The following HEBP1 variants were observed in gnomAD, a reference collection of about 807,000 sequenced individuals.
HEBP1 encodes the protein heme binding protein 1.
HEBP1 carries 13 observed loss-of-function variants against 20.4 expected under a neutral mutation model. The observed-to-expected ratio is 0.64, with a 90% confidence interval of 0.42 to 1.01. The LOEUF (loss-of-function observed/expected upper bound fraction) is 1.01, where lower values mean the gene tolerates loss of function less well. Among genes scored for constraint, HEBP1 ranks in the 50% least tolerant of loss-of-function variants. HEBP1 has a pLI of 0.00. For synonymous variants in HEBP1, 92 were observed against 90.7 expected, an observed-to-expected ratio of 1.01 and a Z score of -0.08; for missense variants, 241 against 247.3, an observed-to-expected ratio of 0.97 and a Z score of 0.17.
At chr12:12,995,794 G>A (rs1864281671) in intron 1 of HEBP1, among the ~76,000 whole-genome samples, 1 of 152,160 alleles carries the variant, frequency 6.6e-6, no homozygotes. Context: ...TTGTGACATG[G>A]AACACAATAG....
chr12:12,999,050 G>A (rs1684385), intron 1 of HEBP1, among the ~76,000 whole-genome samples: 112,204 of 151,686 alleles, frequency 0.74, 42,518 homozygotes, highest in South Asian at 0.85. Context: ...ACTCCACTGA[G>A]GTCCCCATCA....
rs1381987380 is a variant in HEBP1 at position 12,998,082 on chromosome 12, T to C, written c.78+1955A>G. ...TTTGTGTCCAGCCTATGCACAACTATGTCAGTTTCCCTACTCAAAATCACA... is the reference window on the plus strand; with the variant it reads ...TTTGTGTCCAGCCTATGCACAACTACGTCAGTTTCCCTACTCAAAATCACA... On this transcript the variant is annotated intron_variant, in intron 1 of 3. Coordinates refer to ENST00000014930, the MANE Select transcript of HEBP1 (RefSeq NM_015987.5). The surrounding 1 kb of genome is among the most constrained non-coding windows in gnomAD (Gnocchi z 4.2). 6.6e-6 allele frequency among the ~76,000 whole-genome samples: 1 copy of C among 152,102 alleles called. No homozygotes were observed. The highest frequency in any genetic ancestry group is 2.4e-5 in the African/African-American group (1 of 41,410).
intron 3 of HEBP1, among the ~76,000 whole-genome samples, chr12:12,977,062 C>A (rs1296307713): frequency 6.6e-6 from 1 of 152,220 alleles, no homozygotes; most frequent in Non-Finnish European, 1.5e-5. Context: ...TCTTTAAATA[C>A]TGATTTTGGA....
chr12:12,978,047 C>T (rs1864018206), intron 3 of HEBP1, among the ~76,000 whole-genome samples: 1 of 152,114 alleles, frequency 6.6e-6, no homozygotes, highest in Non-Finnish European at 1.5e-5. Context: ...ACATAAGTTT[C>T]ACTCACTCAT....
chr12:12,981,614 A>C (rs535861371), intron 3 of HEBP1, among the ~76,000 whole-genome samples: 2 of 152,360 alleles, frequency 1.3e-5, no homozygotes, highest in African/African-American at 4.8e-5. Flanking sequence ...GTCACATGGC[A>C]TAAGTGTCAC....
At position 12,987,279 on chromosome 12, in the gene HEBP1, C is replaced by A; in HGVS notation, c.271G>T (p.Asp91Tyr). The change falls in exon 3 of 4, where the codon GAT (aspartate) becomes TAT (tyrosine). Residue 91 changes from aspartate to tyrosine, a missense_variant. Coordinates refer to ENST00000014930, the MANE Select transcript of HEBP1 (RefSeq NM_015987.5). ...TTTAATTTCTTCTGCAGAGAGCCATCTTCATTGGGGAACACAGCAAAGGAA... is the reference window on the plus strand; with the variant it reads ...TTTAATTTCTTCTGCAGAGAGCCATATTCATTGGGGAACACAGCAAAGGAA... The part of the protein sequence containing the change: ...PISFAVFPNE[D>Y]GSLQKKLKVW... 3 of 1,614,102 alleles carry A rather than the reference C, an allele frequency of 1.9e-6. No homozygotes were observed. Among genetic ancestry groups the A allele is most frequent in the Non-Finnish European group, 2.5e-6 (3 of 1,180,004 alleles).
In HEBP1 at chr12:13,000,180, G is replaced by T; in HGVS notation, c.-66C>A. On this transcript the variant is annotated 5_prime_UTR_variant, in exon 1 of 4. Coordinates refer to ENST00000014930, the MANE Select transcript of HEBP1 (RefSeq NM_015987.5). Reference sequence around the variant, plus strand: ...GTGGCGGGGGCGACGGAGCACCACGGGCAGCGACCACCGGCGGCAGGGCGG... The same window carrying T: ...GTGGCGGGGGCGACGGAGCACCACGTGCAGCGACCACCGGCGGCAGGGCGG... The T allele has an allele frequency of 9.5e-7, 1 of 1,047,638 alleles. No individual in the cohort carries two copies. The highest frequency in any genetic ancestry group is 1.4e-6 in the Non-Finnish European group (1 of 719,252). The allele number at this position is 1,047,638 out of a possible 1,614,324, so 64.9% of individuals were successfully genotyped here. A position where few individuals can be genotyped will look rare whatever the true frequency, so the allele number is the denominator to read the frequency against.
At chr12:12,983,003 G>C (rs763732880) in intron 3 of HEBP1, among the ~76,000 whole-genome samples, 2 of 152,220 alleles carry the variant, frequency 1.3e-5, no homozygotes, top group African/African-American at 2.4e-5. Flanking sequence ...CTGAGGTACA[G>C]TGAGGCTGGC....
At chr12:12,975,933 C>T (rs933251295) in intron 3 of HEBP1, among the ~76,000 whole-genome samples, 10 of 152,076 alleles carry the variant, frequency 6.6e-5, no homozygotes, top group African/African-American at 1.9e-4. Context: ...CAGGGGACTT[C>T]GGGCAGAGCT....
At chr12:12,983,739 T>C (rs1313151886) in intron 3 of HEBP1, 2 of 456,028 alleles carry the variant, frequency 4.4e-6, no homozygotes, top group South Asian at 3.1e-5. Flanking sequence ...CTTTCAGCTG[T>C]TTAGATTTCA....
At chr12:12,976,220 C>T (rs1863986173) in intron 3 of HEBP1, among the ~76,000 whole-genome samples, 1 of 152,188 alleles carries the variant, frequency 6.6e-6, no homozygotes, top group African/African-American at 2.4e-5. Context: ...GAAATCACTT[C>T]TCATAAATCC....
chr12:12,984,877 C>T (rs850926), intron 3 of HEBP1, among the ~76,000 whole-genome samples: 68,405 of 152,018 alleles, frequency 0.45, 17,625 homozygotes, highest in Non-Finnish European at 0.59. Flanking sequence ...GATGGCCAGG[C>T]GTGGTGGCTC....
In HEBP1 at chr12:12,979,008, G is replaced by C. The variant is rs569061163; in HGVS notation, c.399-3529C>G. On this transcript the variant is annotated intron_variant, in intron 3 of 3. Coordinates refer to ENST00000014930, the MANE Select transcript of HEBP1 (RefSeq NM_015987.5). ...AGAAGGATCTAGTGACAGAAACTTG[G>C]GAGTGCCCAGTGGGTAGGTACTGGC... The C allele has an allele frequency of 6.6e-5, 10 of 152,338 alleles. No homozygotes were observed. In the East Asian group the frequency reaches 1.9e-3, roughly 29 times the overall value. The allele number at this position is 152,338 out of a possible 1,614,324, so 9.4% of individuals were successfully genotyped here.
rs1322529935 is a variant in HEBP1, at chr12:12,986,325, G to C, written c.398+827C>G. ...ACCATCAGGTTCAGGGTTGCAGCAGGGCAGCCAAGTTTGGAGGTCCCTGAA... is the reference window on the plus strand; with the variant it reads ...ACCATCAGGTTCAGGGTTGCAGCAGCGCAGCCAAGTTTGGAGGTCCCTGAA... On this transcript the variant is annotated intron_variant, in intron 3 of 3. Transcript: ENST00000014930. The surrounding 1 kb of genome is among the most constrained non-coding windows in gnomAD (Gnocchi z 4.3). 1 of 152,296 alleles carries C rather than the reference G, an allele frequency of 6.6e-6. No individual in the cohort carries two copies. The highest frequency in any genetic ancestry group is 1.5e-5 in the Non-Finnish European group (1 of 68,128). The allele number at this position is 152,296 out of a possible 1,614,324, so 9.4% of individuals were successfully genotyped here.
chr12:12,986,328 A>C lies in HEBP1; in HGVS notation c.398+824T>G, dbSNP rs1349122703. 1 of 152,352 alleles carries C rather than the reference A, an allele frequency of 6.6e-6. No individual in the cohort carries two copies. The highest frequency in any genetic ancestry group is 1.5e-5 in the Non-Finnish European group (1 of 68,134). 9.4% of individuals were successfully genotyped at this position (152,352 alleles called of 1,614,324 possible). A position where few individuals can be genotyped will look rare whatever the true frequency, so the allele number is the denominator to read the frequency against. On this transcript the variant is annotated intron_variant, in intron 3 of 3. Coordinates refer to ENST00000014930, the MANE Select transcript of HEBP1 (RefSeq NM_015987.5). The surrounding 1 kb of genome is among the most constrained non-coding windows in gnomAD (Gnocchi z 4.3). ...ATCAGGTTCAGGGTTGCAGCAGGGC[A>C]GCCAAGTTTGGAGGTCCCTGAAGTG...
In HEBP1 at chr12:12,986,538, CT is replaced by C. The variant is rs1208476998; in HGVS notation, c.398+613del. ...GAGGAGTCATCAATGATCTAGAAGA[CT>C]TGGTTTCTGAGGGCAGTTTGGAGCA... On this transcript the variant is annotated intron_variant, in intron 3 of 3. Transcript: ENST00000014930. The surrounding 1 kb of genome is among the most constrained non-coding windows in gnomAD (Gnocchi z 4.3). 1 of 152,192 alleles carries C rather than the reference CT, an allele frequency of 6.6e-6. No individual in the cohort carries two copies. Among genetic ancestry groups the C allele is most frequent in the Non-Finnish European group, 1.5e-5 (1 of 68,056 alleles). 9.4% of individuals were successfully genotyped at this position (152,192 alleles called of 1,614,324 possible).
Position 13,000,227 on chromosome 12 carries a change from C to T in HEBP1, c.-113G>A, listed in dbSNP as rs557169984. On this transcript the variant is annotated 5_prime_UTR_variant, in exon 1 of 4. Transcript: ENST00000014930. ...GCGGCAGGGCGGCAGGGCGGCAGGG[C>T]GGCAGGGTGGCAGGGCGGCAAGGCG... is the stretch of plus-strand genomic sequence containing the variant. 1,515 of 392,526 alleles carry T rather than the reference C, an allele frequency of 3.9e-3. 20 individuals carry two copies. The highest frequency in any genetic ancestry group is 0.028 in the African/African-American group (1,319 of 47,264). 24.3% of individuals were successfully genotyped at this position (392,526 alleles called of 1,614,324 possible). A position where few individuals can be genotyped will look rare whatever the true frequency, so the allele number is the denominator to read the frequency against.
chr12:12,984,288 C>T lies in HEBP1; in HGVS notation c.398+2864G>A, dbSNP rs372087746. Reference sequence around the variant, plus strand: ...AAGAAGGAGAAACAGAGAACATTATCGTTTTATGGCCTCTAATGGAACAAG... The same window carrying T: ...AAGAAGGAGAAACAGAGAACATTATTGTTTTATGGCCTCTAATGGAACAAG... On this transcript the variant is annotated intron_variant, in intron 3 of 3. Coordinates refer to ENST00000014930, the MANE Select transcript of HEBP1 (RefSeq NM_015987.5). 8.4e-5 allele frequency: 13 copies of T among 154,346 alleles called. No homozygotes were observed. The South Asian group carries it at 1.6e-3, about 19-fold the overall frequency. 9.6% of individuals were successfully genotyped at this position (154,346 alleles called of 1,614,324 possible).
chr12:12,997,276 A>C (rs1022776676), intron 1 of HEBP1, among the ~76,000 whole-genome samples: 3 of 152,212 alleles, frequency 2.0e-5, no homozygotes, highest in Admixed American at 2.0e-4. Flanking sequence ...ATAAGAGTCA[A>C]ACAGGAAACA....
Sources: gnomAD v4.1 joint callset for allele counts (sites outside exome capture counted in the v4.1 genomes callset) on GRCh38, gnomAD v4.1.1 for gene constraint, Gnocchi (gnomAD v3.1) non-coding constraint, MANE v1.5 for transcripts, NCBI Gene and HGNC (gene_info 2026-07-23, HGNC 2026-07-21) for gene names.